HELZ: variants seen among roughly 807,000 people sequenced by gnomAD.
The protein encoded by HELZ is ATP-dependent RNA helicase with zinc finger domain.
Under a neutral mutation model 218.2 loss-of-function variants are expected in HELZ, and 23 were observed. The ratio of observed to expected loss-of-function variants is 0.11; its 90% CI spans 0.08 to 0.15. HELZ has a LOEUF of 0.15. Among genes scored for constraint, HELZ ranks in the 10% least tolerant of loss-of-function variants. The probability of loss-of-function intolerance (pLI) is 1.00; values close to 1 mark genes in which losing one functional copy is unlikely to be tolerated. For missense variants in HELZ, 1,813 were observed against 2,353.7 expected (o/e 0.77, Z 4.75); for synonymous variants, 814 against 829.4 (o/e 0.98, Z 0.32).
At chr17:67,198,536 G>A (rs972683272) in intron 7 of HELZ, among the ~76,000 whole-genome samples, 1 of 152,114 alleles carries the variant, frequency 6.6e-6, no homozygotes, top group Non-Finnish European at 1.5e-5. Context: ...AGTCTTTACC[G>A]ACACCTTCAG....
At chr17:67,153,362 G>A (rs2038747477) in intron 17 of HELZ, among the ~76,000 whole-genome samples, 2 of 152,184 alleles carry the variant, frequency 1.3e-5, no homozygotes. Flanking sequence ...CTAAGGAGAT[G>A]CAAGTCAGAT....
In HELZ at chr17:67,123,998, T is replaced by C; in HGVS notation, c.3404A>G (p.His1135Arg). Residue 1135 changes from histidine to arginine, a missense_variant, in exon 25 of 33, where the codon CAT becomes CGT. Coordinates refer to ENST00000358691, the MANE Select transcript of HELZ (RefSeq NM_014877.4). ...QSPPKGKSLH[H>R]TQNDHFQNDG... ...ATTCTGGAAGTGATCATTCTGGGTA[T>C]GATGAAGACTTTTCCCCTTTAAAGA... The C allele has an allele frequency of 6.2e-7, 1 of 1,604,960 alleles. No homozygotes were observed. The highest frequency in any genetic ancestry group is 2.2e-5 in the East Asian group (1 of 44,696).
rs369803110 is a variant in HELZ at position 67,177,646 on chromosome 17, T to TAA, written c.1430+1011_1430+1012dup. On this transcript the variant is annotated intron_variant, in intron 13 of 32. Transcript: ENST00000358691. Reference sequence around the variant, plus strand: ...TTTAACAGCCTACAGACACAATTGATAAAAAAAAAAAGCCTTTTAAGACAC... The same window carrying TAA: ...TTTAACAGCCTACAGACACAATTGATAAAAAAAAAAAAAGCCTTTTAAGACAC... 5.9e-3 allele frequency among the ~76,000 whole-genome samples: 843 copies of TAA among 143,100 alleles called. 3 individuals are homozygous for TAA. The highest frequency in any genetic ancestry group is 0.014 in the Middle Eastern group (4 of 276). 93.9% of individuals were successfully genotyped at this position (143,100 alleles called of 152,430 possible). A position where few individuals can be genotyped will look rare whatever the true frequency, so the allele number is the denominator to read the frequency against.
intron 3 of HELZ, among the ~76,000 whole-genome samples, chr17:67,236,949 A>T (rs918161133): frequency 6.6e-6 from 1 of 152,106 alleles, no homozygotes; most frequent in Non-Finnish European, 1.5e-5. Context: ...CCCAAACCCC[A>T]GTTTTTCAAG....
chr17:67,229,113 G>T (rs1423410341), intron 3 of HELZ, among the ~76,000 whole-genome samples: 1 of 152,146 alleles, frequency 6.6e-6, no homozygotes, highest in African/African-American at 2.4e-5. Flanking sequence ...AAGCCAGTGT[G>T]GCTAAAGTGT....
At chr17:67,151,823 T>C (rs1405355841) in intron 17 of HELZ, among the ~76,000 whole-genome samples, 1 of 152,184 alleles carries the variant, frequency 6.6e-6, no homozygotes, top group East Asian at 1.9e-4. Flanking sequence ...AAAATATTAA[T>C]AGGCCTCACG....
At chr17:67,180,501 T>C (rs1051378457) in intron 12 of HELZ, among the ~76,000 whole-genome samples, 1 of 152,110 alleles carries the variant, frequency 6.6e-6, no homozygotes, top group Non-Finnish European at 1.5e-5. Context: ...CCTGGTACTT[T>C]AGGAAGCTGA....
chr17:67,113,601 A>C (rs1386330467), intron 28 of HELZ, among the ~76,000 whole-genome samples: 1 of 152,184 alleles, frequency 6.6e-6, no homozygotes, highest in East Asian at 1.9e-4. Flanking sequence ...ACTGGTGATC[A>C]GGAAGTAAGG....
In HELZ at chr17:67,188,096, G is replaced by A. The variant is rs528294767; in HGVS notation, c.1162+223C>T. ...CTGATCATCTACTCATACAAGTTTGGGGAACCTCAAAGTTCAAGCTTTACC... is the reference window on the plus strand; with the variant it reads ...CTGATCATCTACTCATACAAGTTTGAGGAACCTCAAAGTTCAAGCTTTACC... On this transcript the variant is annotated intron_variant, in intron 12 of 32. Coordinates refer to ENST00000358691, the MANE Select transcript of HELZ (RefSeq NM_014877.4). This position sits in a 1 kb window ranked among gnomAD's most constrained non-coding sequence, Gnocchi z 4.1. 5.1e-5 allele frequency: 24 copies of A among 469,178 alleles called. No homozygotes were observed. In the South Asian group the frequency reaches 7.3e-4, roughly 14 times the overall value. The allele number at this position is 469,178 out of a possible 1,614,324, so 29.1% of individuals were successfully genotyped here.
intron 21 of HELZ, among the ~76,000 whole-genome samples, chr17:67,143,806 T>C (rs2038410019): frequency 6.6e-6 from 1 of 152,212 alleles, no homozygotes; most frequent in Non-Finnish European, 1.5e-5. Flanking sequence ...TCAAATGATG[T>C]ACAAAGCACA....
chr17:67,191,366 A>G (rs2039890556), intron 9 of HELZ, among the ~76,000 whole-genome samples: 1 of 152,244 alleles, frequency 6.6e-6, no homozygotes, highest in African/African-American at 2.4e-5. Flanking sequence ...ATTTTAAAGG[A>G]CAGAGAGTCA....
rs538542851 is a variant in HELZ, at chr17:67,098,692, C to T, written c.5241+8477G>A. Among the ~76,000 whole-genome samples, 13 of 152,186 alleles carry T rather than the reference C, an allele frequency of 8.5e-5. No individual in the cohort carries two copies. The East Asian group carries it at 2.5e-3, about 29-fold the overall frequency. On this transcript the variant is annotated intron_variant, in intron 31 of 32. Coordinates refer to ENST00000358691, the MANE Select transcript of HELZ (RefSeq NM_014877.4). ...CTGGCAGGCGGAGGTTGCAGTGAGC[C>T]GAGACTGCACCACTGCACTCCGGCC... is the stretch of plus-strand genomic sequence containing the variant.
At chr17:67,150,952 C>T (rs1182356875) in intron 18 of HELZ, 94 bp downstream of exon 18, 3 of 985,588 alleles carry the variant, frequency 3.0e-6, no homozygotes, top group African/African-American at 1.6e-5. Flanking sequence ...AGTCAGTGAG[C>T]CAGATTTGGC....
intron 3 of HELZ, among the ~76,000 whole-genome samples, chr17:67,222,717 C>T (rs2040780106): frequency 6.6e-6 from 1 of 152,154 alleles, no homozygotes; most frequent in Non-Finnish European, 1.5e-5. Context: ...AGTGGTTTAT[C>T]AAGCATAAAA....
At chr17:67,128,426 T>G (rs757324202) in intron 24 of HELZ, 3 of 554,346 alleles carry the variant, frequency 5.4e-6, no homozygotes, top group Non-Finnish European at 9.7e-6. Flanking sequence ...AAGTTATCAG[T>G]ATTAAAAATT....
At chr17:67,102,373 C>T (rs1027124898) in intron 31 of HELZ, among the ~76,000 whole-genome samples, 1 of 152,146 alleles carries the variant, frequency 6.6e-6, no homozygotes, top group Non-Finnish European at 1.5e-5. Flanking sequence ...ATTTCTCTAA[C>T]TTCTACATTT....
At chr17:67,199,324 T>C (rs2040110956) in intron 7 of HELZ, among the ~76,000 whole-genome samples, 1 of 151,160 alleles carries the variant, frequency 6.6e-6, no homozygotes, top group Non-Finnish European at 1.5e-5. Context: ...GCCATTCTCC[T>C]GTCTCAGCCT....
At chr17:67,224,067 G>A (rs1048748217) in intron 3 of HELZ, among the ~76,000 whole-genome samples, 1 of 152,158 alleles carries the variant, frequency 6.6e-6, no homozygotes, top group Non-Finnish European at 1.5e-5. Flanking sequence ...TGTGGTTCCT[G>A]AAGAGCTAAC....
In HELZ at chr17:67,078,511, T is replaced by C. The variant is rs1208452101; in HGVS notation, c.5570A>G (p.Tyr1857Cys). Residue 1857 changes from tyrosine to cysteine, a missense_variant, in exon 33 of 33, where the codon TAC becomes TGC. Physicochemically the swap from Tyr to Cys is radical, Grantham distance 194. Transcript: ENST00000358691. ...ENLEVSSSFN[Y>C]SVLQHLGQFP... ...CTGGCCAAGATGCTGCAGCACACTG[T>C]AGTTGAAGGAACTGGACACCTCGAG... The C allele has an allele frequency of 6.5e-7, 1 of 1,538,392 alleles. No homozygotes were observed. The highest frequency in any genetic ancestry group is 8.7e-7 in the Non-Finnish European group (1 of 1,147,058).
Sources: gnomAD v4.1 joint callset for allele counts (sites outside exome capture counted in the v4.1 genomes callset) on GRCh38, gnomAD v4.1.1 for gene constraint, Gnocchi (gnomAD v3.1) non-coding constraint, MANE v1.5 for transcripts, NCBI Gene and HGNC (gene_info 2026-07-23, HGNC 2026-07-21) for gene names.